Variants in SCN1A observed in about 807,000 individuals in gnomAD.
SCN1A encodes sodium voltage-gated channel alpha subunit 1.
A neutral mutation model predicts 193.7 loss-of-function variants in SCN1A; 13 were observed. The observed-to-expected ratio is 0.07, with a 90% CI of 0.04 to 0.11. The LOEUF (loss-of-function observed/expected upper bound fraction) is 0.11. SCN1A is among the 10% of genes least tolerant of loss of function. The pLI is 1.00. For synonymous variants in SCN1A, 781 were observed against 843.6 expected (o/e 0.93, Z 1.29); for missense variants, 1,432 against 2,451.1 (o/e 0.58, Z 8.78).
At chr2:166,018,186 T>G (rs1025703453) in intron 19 of SCN1A, among the ~76,000 whole-genome samples, 1 of 152,038 alleles carries the variant, frequency 6.6e-6, no homozygotes, top group Admixed American at 6.6e-5. Context: ...CTAGTTTTGC[T>G]TTTTTGCCAA....
At chr2:166,098,862 G>A (rs1230222799) in intron 2 of SCN1A, among the ~76,000 whole-genome samples, 3 of 152,110 alleles carry the variant, frequency 2.0e-5, no homozygotes, top group Admixed American at 2.0e-4. Context: ...AATCAGAGAT[G>A]GCACACACAA....
intron 19 of SCN1A, among the ~76,000 whole-genome samples, chr2:166,023,112 T>A (rs1694281600): frequency 6.6e-6 from 1 of 152,214 alleles, no homozygotes; most frequent in Non-Finnish European, 1.5e-5. Context: ...CTCATTACAA[T>A]AAGTATGCAT....
At chr2:166,038,167 T>G (rs1696688010) in intron 17 of SCN1A, 35 bp from the exon 18 acceptor site, 2 of 1,476,726 alleles carry the variant, frequency 1.4e-6, no homozygotes, top group Middle Eastern at 3.5e-4. Context: ...ATTTGTATGA[T>G]TCTTAAAAGC....
intron 20 of SCN1A, among the ~76,000 whole-genome samples, chr2:166,014,469 T>C (rs956055510): frequency 7.9e-5 from 12 of 150,976 alleles, no homozygotes; most frequent in African/African-American, 2.9e-4. Context: ...TCACTTAGTC[T>C]AAATGCAATC....
chr2:166,047,189 T>G (rs893395930), intron 11 of SCN1A, among the ~76,000 whole-genome samples: 1 of 152,130 alleles, frequency 6.6e-6, no homozygotes, highest in Non-Finnish European at 1.5e-5. Context: ...TATGGCAGAA[T>G]TTTTGTATTC....
upstream of SCN1A, among the ~76,000 whole-genome samples, chr2:166,132,397 T>G (rs1292036066): frequency 2.6e-5 from 4 of 151,620 alleles, no homozygotes; most frequent in African/African-American, 9.7e-5. Flanking sequence ...TTTCTTTTGG[T>G]AAATGCAGCA....
intron 1 of SCN1A, among the ~76,000 whole-genome samples, chr2:166,142,527 A>C (rs992079490): frequency 2.0e-5 from 3 of 152,236 alleles, no homozygotes; most frequent in African/African-American, 7.2e-5. Context: ...TAGAAGCTGT[A>C]CATTTGAAAT....
intron 4 of SCN1A, among the ~76,000 whole-genome samples, chr2:166,062,906 C>T (rs1273610310): frequency 6.6e-6 from 1 of 152,014 alleles, no homozygotes; most frequent in East Asian, 1.9e-4. Context: ...ACTTTTATTG[C>T]ATTAAGTCAT....
intron 2 of SCN1A, among the ~76,000 whole-genome samples, chr2:166,087,200 C>T (rs1686232812): frequency 1.3e-5 from 2 of 150,754 alleles, no homozygotes; most frequent in Admixed American, 1.3e-4. Flanking sequence ...GGCACGGTGG[C>T]TCACACCTGT....
chr2:166,093,025 C>G (rs1190945143), intron 2 of SCN1A, among the ~76,000 whole-genome samples: 2 of 151,954 alleles, frequency 1.3e-5, no homozygotes, highest in Non-Finnish European at 1.5e-5. Context: ...TCACGGGGCA[C>G]TCATCTATAG....
At chr2:166,072,023 GGAAGT>G (rs1684482743) in intron 4 of SCN1A, 1 of 152,076 alleles carries the variant, frequency 6.6e-6, no homozygotes, top group South Asian at 2.1e-4. Flanking sequence ...GCTGTCAATC[GGAAGT>G]GATTTATAAA....
At chr2:166,148,391 T>G (rs1692407003) in intron 1 of SCN1A, among the ~76,000 whole-genome samples, 1 of 152,166 alleles carries the variant, frequency 6.6e-6, no homozygotes, top group South Asian at 2.1e-4. Context: ...AGCGCTATAT[T>G]GTTTCTACTT....
At chr2:166,013,267 T>C (rs2105605299) in intron 21 of SCN1A, among the ~76,000 whole-genome samples, 1 of 151,676 alleles carries the variant, frequency 6.6e-6, no homozygotes, top group South Asian at 2.1e-4. Context: ...TCATTATTTC[T>C]TAAGTAGCAC....
chr2:166,077,889 G>A (rs1685134083), intron 2 of SCN1A, 88 bp from the exon 3 acceptor site: 1 of 151,774 alleles, frequency 6.6e-6, no homozygotes, highest in Non-Finnish European at 1.5e-5. Flanking sequence ...CAGCATTAAA[G>A]GAAATGAGCT....
At chr2:166,050,075 A>G (rs1559233876) in intron 9 of SCN1A, among the ~76,000 whole-genome samples, 1 of 151,930 alleles carries the variant, frequency 6.6e-6, no homozygotes, top group African/African-American at 2.4e-5. Flanking sequence ...ACTTCCTTGA[A>G]CCTAGACAGG....
intron 9 of SCN1A, among the ~76,000 whole-genome samples, chr2:166,050,253 T>G (rs993234872): frequency 6.6e-6 from 1 of 151,892 alleles, no homozygotes; most frequent in African/African-American, 2.4e-5. Context: ...AAAATATAAT[T>G]TTTCAGTTAT....
intron 1 of SCN1A, among the ~76,000 whole-genome samples, chr2:166,143,550 A>G (rs1043548725): frequency 6.6e-6 from 1 of 152,204 alleles, no homozygotes; most frequent in Admixed American, 6.5e-5. Context: ...GAGGAAAACA[A>G]AAATGTTGAG....
At chr2:166,122,868 G>C (rs1463622750) in intron 2 of SCN1A, among the ~76,000 whole-genome samples, 1 of 152,290 alleles carries the variant, frequency 6.6e-6, no homozygotes, top group South Asian at 2.1e-4. Flanking sequence ...AAAGAAAAAA[G>C]TTAGAGTAGA....
At chr2:166,145,126 GCA>G (rs879767257) in intron 1 of SCN1A, among the ~76,000 whole-genome samples, 56,914 of 147,108 alleles carry the variant, frequency 0.39, 11,744 homozygotes, top group African/African-American at 0.46. Context: ...GTGAGCCACT[GCA>G]CCTGGCCTAA....
Sources: gnomAD v4.1 joint callset for allele counts (sites outside exome capture counted in the v4.1 genomes callset) on GRCh38, gnomAD v4.1.1 for gene constraint, MANE v1.5 for transcripts, NCBI Gene and HGNC (gene_info 2026-07-23, HGNC 2026-07-21) for gene names.